Variants in TAF15 observed in about 807,000 individuals in gnomAD.
TAF15 encodes TATA-binding protein-associated factor 2N.
In TAF15, 37 loss-of-function variants were observed where a neutral mutation model predicts 102.5. The ratio of observed to expected loss-of-function variants is 0.36; its 90% confidence interval spans 0.28 to 0.47. TAF15 has a LOEUF of 0.47. Ranked by LOEUF, TAF15 falls within the 20% of genes least tolerant of loss-of-function variation. The pLI is 0.99. For missense variants in TAF15, 652 were observed against 760.7 expected (o/e 0.86, Z 1.68); for synonymous variants, 273 against 259.2 (o/e 1.05, Z -0.51).
chr17:35,843,391 T>G (rs1030978644), intron 12 of TAF15, among the ~76,000 whole-genome samples: 1 of 152,244 alleles, frequency 6.6e-6, no homozygotes, highest in Non-Finnish European at 1.5e-5. Context: ...CCCAAAGTGC[T>G]TGGATTACAG....
At chr17:35,833,078 A>AC (rs2087426519) in intron 7 of TAF15, among the ~76,000 whole-genome samples, 1 of 151,712 alleles carries the variant, frequency 6.6e-6, no homozygotes, top group Non-Finnish European at 1.5e-5. Flanking sequence ...AATCACTTGA[A>AC]CCTGGGAGGT....
At chr17:35,826,138 TACTG>T (rs1190356303) in intron 7 of TAF15, among the ~76,000 whole-genome samples, 1 of 152,160 alleles carries the variant, frequency 6.6e-6, no homozygotes, top group African/African-American at 2.4e-5. Context: ...GTGGCCTAGA[TACTG>T]ACTTATAAAC....
At chr17:35,835,341 A>G (rs919968448) in intron 9 of TAF15, among the ~76,000 whole-genome samples, 3 of 152,244 alleles carry the variant, frequency 2.0e-5, no homozygotes, top group Non-Finnish European at 4.4e-5. Flanking sequence ...AAATTCATAC[A>G]TGAGAGAATT....
chr17:35,823,416 G>C (rs1404495792), intron 6 of TAF15, among the ~76,000 whole-genome samples: 1 of 152,032 alleles, frequency 6.6e-6, no homozygotes, highest in Non-Finnish European at 1.5e-5. Flanking sequence ...TTAAGATTGG[G>C]GGGCCGGGCG....
intron 10 of TAF15, among the ~76,000 whole-genome samples, chr17:35,838,214 A>G (rs928033296): frequency 1.1e-4 from 17 of 152,276 alleles, no homozygotes; most frequent in Admixed American, 5.9e-4. Flanking sequence ...ATAAAACAGT[A>G]TACTATATCA....
At chr17:35,811,491 A>G in intron 1 of TAF15, 1 of 152,360 alleles carries the variant, frequency 6.6e-6, no homozygotes, top group South Asian at 2.1e-4. Context: ...TATGTTTTGT[A>G]ATAAGTGTAT....
intron 11 of TAF15, among the ~76,000 whole-genome samples, chr17:35,841,039 A>G (rs2087537072): frequency 2.0e-5 from 3 of 152,224 alleles, no homozygotes; most frequent in Admixed American, 1.3e-4. Context: ...TCTTTTGCAT[A>G]TGGTATATTC....
chr17:35,842,498 A>G lies in TAF15; in HGVS notation c.1006+39A>G, dbSNP rs182101256. On this transcript the variant is annotated intron_variant, in intron 12 of 15. Transcript: ENST00000605844. ...TGCGTACAGTCCTGGATACTATCCA[A>G]GGGTTTAAGTTTGAGTTCATACTCT... 1,349 of 1,502,894 alleles carry G rather than the reference A, an allele frequency of 9.0e-4. 3 individuals carry two copies. Among genetic ancestry groups the G allele is most frequent in the African/African-American group, 6.2e-3 (451 of 72,596 alleles). 93.1% of individuals were successfully genotyped at this position (1,502,894 alleles called of 1,614,324 possible). A position where few individuals can be genotyped will look rare whatever the true frequency, so the allele number is the denominator to read the frequency against.
chr17:35,830,690 G>C (rs2087394003), intron 7 of TAF15, among the ~76,000 whole-genome samples: 1 of 152,142 alleles, frequency 6.6e-6, no homozygotes, highest in South Asian at 2.1e-4. Context: ...TTGAAAGAAG[G>C]CTTTGCATAA....
At chr17:35,813,399 T>A (rs1346961808) in intron 1 of TAF15, among the ~76,000 whole-genome samples, 3 of 152,108 alleles carry the variant, frequency 2.0e-5, no homozygotes, top group Non-Finnish European at 4.4e-5. Flanking sequence ...TTTAAGAGGC[T>A]GAGGTGGGTA....
At chr17:35,829,482 A>G (rs1370760149) in intron 7 of TAF15, among the ~76,000 whole-genome samples, 1 of 151,330 alleles carries the variant, frequency 6.6e-6, no homozygotes, top group African/African-American at 2.4e-5. Flanking sequence ...AATACAAAAA[A>G]TTAGCCGGGC....
chr17:35,813,988 T>A (rs936836713), intron 1 of TAF15, among the ~76,000 whole-genome samples: 14 of 148,572 alleles, frequency 9.4e-5, no homozygotes, highest in Non-Finnish European at 1.8e-4. Context: ...TTTTTTCTGT[T>A]TTTTTTGTTG....
chr17:35,815,513 T>C (rs2087184733), intron 1 of TAF15, among the ~76,000 whole-genome samples: 1 of 152,216 alleles, frequency 6.6e-6, no homozygotes, highest in South Asian at 2.1e-4. Flanking sequence ...GGGTTAAGAT[T>C]AAGGGCCTTA....
At chr17:35,825,625 A>G (rs1054932168) in intron 7 of TAF15, among the ~76,000 whole-genome samples, 16 of 152,202 alleles carry the variant, frequency 1.1e-4, no homozygotes, top group Admixed American at 6.5e-4. Context: ...GTGGAAGAAG[A>G]TAGGGAATAG....
rs555859957 is a variant in TAF15, at chr17:35,836,297, C to T, written c.783+56C>T. The T allele has an allele frequency of 4.7e-6, 6 of 1,267,196 alleles. No homozygotes were observed. The African/African-American group carries it at 5.9e-5, about 13-fold the overall frequency. 78.5% of individuals were successfully genotyped at this position (1,267,196 alleles called of 1,614,324 possible). ...CATAATTAATGTTCTGATTACAATA[C>T]ATAGACTATGTAGTAAGCCTACATA... On this transcript the variant is annotated intron_variant, in intron 10 of 15. Transcript: ENST00000605844.
chr17:35,827,708 A>C (rs1220928809), intron 7 of TAF15, among the ~76,000 whole-genome samples: 1 of 151,742 alleles, frequency 6.6e-6, no homozygotes, highest in African/African-American at 2.4e-5. Context: ...TCCATCGCAA[A>C]AAAAAAAAAG....
intron 11 of TAF15, among the ~76,000 whole-genome samples, chr17:35,841,979 T>C (rs570166106): frequency 7.2e-5 from 11 of 152,136 alleles, no homozygotes; most frequent in Middle Eastern, 3.4e-3. Flanking sequence ...ATTACAGATA[T>C]AAGCCACTGC....
At chr17:35,846,561 G>T (rs1598557879) in intron 15 of TAF15, among the ~76,000 whole-genome samples, 1 of 152,190 alleles carries the variant, frequency 6.6e-6, no homozygotes, top group South Asian at 2.1e-4. Context: ...GGCAGATCCA[G>T]AATTCATACA....
chr17:35,827,349 A>G (rs1403384431), intron 7 of TAF15, among the ~76,000 whole-genome samples: 2 of 151,924 alleles, frequency 1.3e-5, no homozygotes, highest in East Asian at 1.9e-4. Flanking sequence ...AAAAAAAAAA[A>G]AAATAGTTCT....
Sources: gnomAD v4.1 joint callset for allele counts (sites outside exome capture counted in the v4.1 genomes callset) on GRCh38, gnomAD v4.1.1 for gene constraint, MANE v1.5 for transcripts, NCBI Gene and HGNC (gene_info 2026-07-23, HGNC 2026-07-21) for gene names.